The following PIP5K1B variants were observed in gnomAD, a reference collection of about 807,000 sequenced individuals.
PIP5K1B encodes the protein phosphatidylinositol-4-phosphate 5-kinase type 1 beta.
A neutral mutation model predicts 67.0 loss-of-function variants in PIP5K1B; 42 were observed. The ratio of observed to expected loss-of-function variants is 0.63; its 90% CI spans 0.49 to 0.81. The LOEUF (loss-of-function observed/expected upper bound fraction) is 0.81, where lower values mean the gene tolerates loss of function less well. PIP5K1B is among the 30% of genes least tolerant of loss of function. PIP5K1B has a pLI of 0.00. For missense variants in PIP5K1B, 459 were observed against 646.3 expected, an observed-to-expected ratio of 0.71 and a Z score of 3.14; for synonymous variants, 214 against 231.4, an observed-to-expected ratio of 0.92 and a Z score of 0.68.
intron 8 of PIP5K1B, among the ~76,000 whole-genome samples, chr9:68,898,792 C>T (rs1252456806): frequency 6.6e-6 from 1 of 152,228 alleles, no homozygotes; most frequent in Non-Finnish European, 1.5e-5. Context: ...GCCCCCTCCT[C>T]ACTGTAGGCA....
At chr9:68,929,649 T>C (rs1025414612) in intron 12 of PIP5K1B, among the ~76,000 whole-genome samples, 6 of 152,084 alleles carry the variant, frequency 3.9e-5, no homozygotes, top group African/African-American at 1.4e-4. Flanking sequence ...TTGAACAACT[T>C]TCAGTTTTTT....
chr9:68,769,918 C>T (rs1316376052), intron 2 of PIP5K1B, among the ~76,000 whole-genome samples: 2 of 152,308 alleles, frequency 1.3e-5, no homozygotes, highest in Non-Finnish European at 2.9e-5. Context: ...TTCTGGAAAA[C>T]GTAGCCTATC....
chr9:68,831,402 C>T (rs561790957), intron 4 of PIP5K1B, among the ~76,000 whole-genome samples: 10 of 152,274 alleles, frequency 6.6e-5, no homozygotes, highest in African/African-American at 2.4e-4. Flanking sequence ...ACTATTACGA[C>T]CATTTTACAG....
At chr9:68,969,933 A>G (rs1829263861) in intron 14 of PIP5K1B, among the ~76,000 whole-genome samples, 2 of 152,220 alleles carry the variant, frequency 1.3e-5, no homozygotes, top group African/African-American at 2.4e-5. Context: ...TTGAGGACAT[A>G]TTTGTTGAAT....
chr9:68,952,787 TTGCCTGCCTGTCTGCCTGTCTGCC>T (rs1387081142), intron 14 of PIP5K1B, among the ~76,000 whole-genome samples: 1 of 151,990 alleles, frequency 6.6e-6, no homozygotes, highest in Non-Finnish European at 1.5e-5. Context: ...CTTGCTTTCT[TTGCCTGCCTGTCTGCCTGTCTGCC>T]TGCCTGCCTG....
chr9:68,709,737 C>A (rs1211530374), intron 1 of PIP5K1B, among the ~76,000 whole-genome samples: 1 of 152,118 alleles, frequency 6.6e-6, no homozygotes, highest in East Asian at 1.9e-4. Context: ...CATAGCAAGA[C>A]CCCATCTATG....
intron 2 of PIP5K1B, among the ~76,000 whole-genome samples, chr9:68,758,517 G>T (rs1448896195): frequency 1.3e-5 from 2 of 152,086 alleles, no homozygotes; most frequent in African/African-American, 4.8e-5. Flanking sequence ...GTGAAAGAGA[G>T]GAAAGTCAGT....
intron 2 of PIP5K1B, among the ~76,000 whole-genome samples, chr9:68,764,920 A>G (rs562118120): frequency 7.8e-4 from 118 of 152,240 alleles, no homozygotes; most frequent in African/African-American, 2.8e-3. Context: ...AACTAATTTT[A>G]AAATAAAACT....
chr9:68,985,112 A>C (rs1830044276), intron 14 of PIP5K1B, among the ~76,000 whole-genome samples: 1 of 152,216 alleles, frequency 6.6e-6, no homozygotes, highest in Non-Finnish European at 1.5e-5. Context: ...GCTCGGTCTA[A>C]GGAAGGCAGC....
At chr9:68,868,485 C>A (rs1823467347) in intron 5 of PIP5K1B, among the ~76,000 whole-genome samples, 1 of 152,138 alleles carries the variant, frequency 6.6e-6, no homozygotes, top group Non-Finnish European at 1.5e-5. Flanking sequence ...CAAGGCTATC[C>A]AGCCAGTAAA....
chr9:68,818,746 A>G (rs1833580122), intron 3 of PIP5K1B, among the ~76,000 whole-genome samples: 1 of 151,458 alleles, frequency 6.6e-6, no homozygotes, highest in Non-Finnish European at 1.5e-5. Context: ...AGAAGGGTTA[A>G]AAAAAAAACC....
At chr9:68,804,123 G>T (rs1270596470) in intron 2 of PIP5K1B, among the ~76,000 whole-genome samples, 1 of 152,204 alleles carries the variant, frequency 6.6e-6, no homozygotes, top group African/African-American at 2.4e-5. Context: ...CATAAAGGGA[G>T]TGGGATGATG....
At chr9:68,760,259 C>T (rs1830124037) in intron 2 of PIP5K1B, among the ~76,000 whole-genome samples, 1 of 152,080 alleles carries the variant, frequency 6.6e-6, no homozygotes, top group Non-Finnish European at 1.5e-5. Context: ...ATAACAACTA[C>T]TCTAGTTAAT....
chr9:68,799,621 G>T (rs1318776222), intron 2 of PIP5K1B, among the ~76,000 whole-genome samples: 2 of 152,182 alleles, frequency 1.3e-5, no homozygotes, highest in Non-Finnish European at 2.9e-5. Context: ...CAACGGGAGT[G>T]CTAAGAATAC....
At chr9:68,929,227 G>T (rs138724476) in intron 12 of PIP5K1B, among the ~76,000 whole-genome samples, 5 of 151,370 alleles carry the variant, frequency 3.3e-5, no homozygotes, top group Admixed American at 3.3e-4. Context: ...ATGAAGCCAT[G>T]TGGGTTTGGA....
At chr9:68,806,822 G>T (rs184656330) in intron 2 of PIP5K1B, among the ~76,000 whole-genome samples, 1 of 152,184 alleles carries the variant, frequency 6.6e-6, no homozygotes, top group Admixed American at 6.5e-5. Context: ...TTGTTGGTTT[G>T]TTGAAAGCAG....
chr9:68,708,173 C>T (rs537649269), intron 1 of PIP5K1B: 2 of 151,730 alleles, frequency 1.3e-5, no homozygotes, highest in Non-Finnish European at 1.5e-5. Context: ...TGAAAATATT[C>T]TGAGGGGTTA....
intron 2 of PIP5K1B, among the ~76,000 whole-genome samples, chr9:68,772,660 A>G (rs1830723236): frequency 1.3e-5 from 2 of 152,216 alleles, no homozygotes; most frequent in African/African-American, 4.8e-5. Flanking sequence ...GTTTTGCCCA[A>G]TTATTCTACT....
chr9:68,864,097 CCAA>C, intron 5 of PIP5K1B, 130 bp downstream of exon 5: 1 of 743,700 alleles, frequency 1.3e-6, no homozygotes, highest in South Asian at 2.2e-5. Flanking sequence ...TTTGGCAGGG[CCAA>C]AGGCAGTCCA....
Sources: gnomAD v4.1 joint callset for allele counts (sites outside exome capture counted in the v4.1 genomes callset) on GRCh38, gnomAD v4.1.1 for gene constraint, MANE v1.5 for transcripts, NCBI Gene and HGNC (gene_info 2026-07-23, HGNC 2026-07-21) for gene names.